The following NCALD variants were observed in gnomAD, a reference collection of about 807,000 sequenced individuals.
NCALD encodes the protein neurocalcin delta, also known as neurocalcin-delta.
Under a neutral mutation model 18.6 loss-of-function variants are expected in NCALD, and 10 were observed. The ratio of observed to expected loss-of-function variants is 0.54; its 90% CI spans 0.33 to 0.91. The LOEUF is 0.91. Ranked by LOEUF, NCALD falls within the 40% of genes least tolerant of loss-of-function variation. The probability of loss-of-function intolerance (pLI) is 0.03; values close to 1 mark genes in which losing one functional copy is unlikely to be tolerated. For missense variants in NCALD, 184 were observed against 247.6 expected (o/e 0.74, Z 1.72); for synonymous variants, 88 against 87.4 (o/e 1.01, Z -0.04).
rs564939503 is a variant in NCALD, at chr8:101,687,569, T to C, written c.*1740A>G. ...TGCCAATTACAGCAGACTCAAGTCATATATAAAAACCTGGAGGTTAGCATG... is the reference window on the plus strand; with the variant it reads ...TGCCAATTACAGCAGACTCAAGTCACATATAAAAACCTGGAGGTTAGCATG... On this transcript the variant is annotated 3_prime_UTR_variant, in exon 4 of 4. Transcript: ENST00000220931. 1 of 152,578 alleles carries C rather than the reference T, an allele frequency of 6.6e-6. No individual in the cohort carries two copies. The highest frequency in any genetic ancestry group is 2.4e-5 in the African/African-American group (1 of 41,592). The allele number at this position is 152,578 out of a possible 1,614,324, so 9.5% of individuals were successfully genotyped here.
intron 2 of NCALD, among the ~76,000 whole-genome samples, chr8:101,943,637 T>C (rs562839548): frequency 1.3e-5 from 2 of 152,242 alleles, no homozygotes; most frequent in African/African-American, 4.8e-5. Flanking sequence ...TTGGTGAATC[T>C]AATTAACAGG....
chr8:101,777,650 A>G (rs1811848457), intron 1 of NCALD, among the ~76,000 whole-genome samples: 1 of 152,202 alleles, frequency 6.6e-6, no homozygotes, highest in Non-Finnish European at 1.5e-5. Flanking sequence ...CGTGCCAATC[A>G]TACATCAGCA....
chr8:101,918,573 T>C lies in NCALD; in HGVS notation c.-156-2715A>G, dbSNP rs149965945. On this transcript the variant is annotated intron_variant, in intron 2 of 6. Coordinates refer to the NCALD transcript ENST00000311028. ...TATCTCTTCACAGAGAATATGATTC[T>C]ATACCTAGAAAACCCTAAAGACTCT... Among the ~76,000 whole-genome samples the C allele has an allele frequency of 9.9e-5, 15 of 152,280 alleles. No individual in the cohort carries two copies. In the East Asian group the frequency reaches 2.9e-3, roughly 29 times the overall value.
At chr8:101,973,371 T>G (rs1005657274) in intron 2 of NCALD, among the ~76,000 whole-genome samples, 5 of 152,166 alleles carry the variant, frequency 3.3e-5, no homozygotes, top group African/African-American at 1.2e-4. Context: ...GGCCCTCTGT[T>G]GCAAGCTGTC....
intron 1 of NCALD, among the ~76,000 whole-genome samples, chr8:101,737,407 G>A (rs990049097): frequency 2.6e-5 from 4 of 152,052 alleles, no homozygotes; most frequent in Non-Finnish European, 4.4e-5. Flanking sequence ...CCTCTTTAAG[G>A]CTCCCCACCT....
chr8:101,812,618 C>T (rs904575008), intron 4 of NCALD, among the ~76,000 whole-genome samples: 2 of 152,182 alleles, frequency 1.3e-5, no homozygotes, highest in Non-Finnish European at 2.9e-5. Flanking sequence ...GAGTTACCCT[C>T]ATCAGAGGAA....
chr8:101,872,398 A>T, intron 4 of NCALD: 3 of 1,464,276 alleles, frequency 2.0e-6, no homozygotes, highest in East Asian at 2.3e-5. Flanking sequence ...TTCCAAAGTC[A>T]TATCTTCGTA....
chr8:101,933,520 G>A (rs1398658604), intron 2 of NCALD, among the ~76,000 whole-genome samples: 1 of 152,194 alleles, frequency 6.6e-6, no homozygotes, highest in Non-Finnish European at 1.5e-5. Context: ...AACTGCAAGA[G>A]AATAAGTCTG....
At chr8:102,117,604 C>G (rs1310861572) in intron 1 of NCALD, among the ~76,000 whole-genome samples, 1 of 140,436 alleles carries the variant, frequency 7.1e-6, no homozygotes, top group Non-Finnish European at 1.5e-5. Context: ...TCCGTTGGCA[C>G]TTTCAACTCA....
chr8:101,744,702 A>G (rs549217749), intron 1 of NCALD, among the ~76,000 whole-genome samples: 3 of 152,256 alleles, frequency 2.0e-5, no homozygotes, highest in African/African-American at 7.2e-5. Flanking sequence ...GGGAGCAGGA[A>G]GCTATTACAA....
At chr8:101,951,444 G>C (rs1253709401) in intron 2 of NCALD, among the ~76,000 whole-genome samples, 1 of 152,274 alleles carries the variant, frequency 6.6e-6, no homozygotes, top group East Asian at 1.9e-4. Flanking sequence ...AAGAGGCCAT[G>C]CTCCACAAAT....
chr8:101,985,852 G>A (rs1820787074), intron 2 of NCALD, among the ~76,000 whole-genome samples: 1 of 152,104 alleles, frequency 6.6e-6, no homozygotes, highest in Admixed American at 6.5e-5. Context: ...TAACATTCAA[G>A]GAGTAAGGGT....
In NCALD at chr8:102,024,018, T is replaced by C. The variant is rs541936691; in HGVS notation, c.-209-3729A>G. On this transcript the variant is annotated intron_variant, in intron 1 of 6. Transcript: ENST00000311028. ...TCAACTCTAGATGAAAATATTACAA[T>C]TGGATGATTTGACAAGTGCTGAATC... Among the ~76,000 whole-genome samples, 11 of 152,322 alleles carry C rather than the reference T, an allele frequency of 7.2e-5. No homozygotes were observed. The South Asian group carries it at 2.1e-3, about 29-fold the overall frequency.
At chr8:102,097,684 C>A (rs1436580906) in intron 1 of NCALD, among the ~76,000 whole-genome samples, 1 of 152,198 alleles carries the variant, frequency 6.6e-6, no homozygotes, top group Non-Finnish European at 1.5e-5. Flanking sequence ...CCTCCTTATA[C>A]AAGACTCTTA....
chr8:102,003,346 T>C (rs1821555231), intron 2 of NCALD, among the ~76,000 whole-genome samples: 1 of 152,234 alleles, frequency 6.6e-6, no homozygotes, highest in African/African-American at 2.4e-5. Context: ...GTTGAATCTC[T>C]GAATAGTCCA....
chr8:101,901,038 T>C (rs1468523737), intron 3 of NCALD, among the ~76,000 whole-genome samples: 1 of 152,088 alleles, frequency 6.6e-6, no homozygotes, highest in African/African-American at 2.4e-5. Context: ...AGGGTTTGCA[T>C]GCAAAATATG....
At chr8:102,105,701 C>T (rs796090886) in intron 1 of NCALD, among the ~76,000 whole-genome samples, 30 of 152,228 alleles carry the variant, frequency 2.0e-4, no homozygotes, top group African/African-American at 7.2e-4. Context: ...TGTTTTGAAC[C>T]CCATGAGGCC....
chr8:102,028,446 T>C (rs1822540787), intron 1 of NCALD, among the ~76,000 whole-genome samples: 1 of 152,232 alleles, frequency 6.6e-6, no homozygotes, highest in African/African-American at 2.4e-5. Context: ...GTATACTCCT[T>C]TGAAGCTCTA....
chr8:101,995,585 C>T (rs867519351), intron 2 of NCALD, among the ~76,000 whole-genome samples: 3 of 152,214 alleles, frequency 2.0e-5, no homozygotes, highest in Middle Eastern at 6.8e-3. Context: ...TTTTATACAA[C>T]CAGATCTCCT....
Sources: allele counts gnomAD v4.1 joint callset (sites outside exome capture counted in the v4.1 genomes callset), GRCh38; gene constraint gnomAD v4.1.1; transcripts MANE v1.5; gene names NCBI Gene and HGNC (gene_info 2026-07-23, HGNC 2026-07-21).